PTPRN2: variants seen among roughly 807,000 people sequenced by gnomAD.
The protein encoded by PTPRN2 is protein tyrosine phosphatase receptor type N2.
A neutral mutation model predicts 118.8 loss-of-function variants in PTPRN2; 74 were observed. That is an observed-to-expected ratio of 0.62 (90% CI 0.52 to 0.76). PTPRN2 has a LOEUF of 0.76. Among genes scored for constraint, PTPRN2 ranks in the 30% least tolerant of loss-of-function variants. PTPRN2 has a pLI of 0.00. For synonymous variants in PTPRN2, 641 were observed against 608.0 expected, an observed-to-expected ratio of 1.05 and a Z score of -0.80; for missense variants, 1,481 against 1,394.4, an observed-to-expected ratio of 1.06 and a Z score of -0.99.
At chr7:157,643,401 A>AGG (rs1489967861) in intron 14 of PTPRN2, among the ~76,000 whole-genome samples, 8 of 152,358 alleles carry the variant, frequency 5.3e-5, no homozygotes, top group South Asian at 4.1e-4. Context: ...ACAAAAAAAT[A>AGG]GAGTTCCACA....
At chr7:158,012,534 AT>A (rs1806125265) in intron 11 of PTPRN2, among the ~76,000 whole-genome samples, 1 of 152,254 alleles carries the variant, frequency 6.6e-6, no homozygotes, top group Non-Finnish European at 1.5e-5. Flanking sequence ...GTACGGAGGC[AT>A]GGGCAGTGGC....
At chr7:158,150,021 G>T (rs1820799183) in intron 6 of PTPRN2, among the ~76,000 whole-genome samples, 1 of 152,164 alleles carries the variant, frequency 6.6e-6, no homozygotes, top group South Asian at 2.1e-4. Flanking sequence ...TCAGATTTAG[G>T]TGGCGTAGTG....
At position 158,255,861 on chromosome 7, in the gene PTPRN2, CCTGA is replaced by C. The variant is rs573038395; in HGVS notation, c.278-50592_278-50589del. Among the ~76,000 whole-genome samples the C allele has an allele frequency of 2.6e-4, 40 of 152,272 alleles. No homozygotes were observed. The East Asian group carries it at 6.4e-3, about 24-fold the overall frequency. On this transcript the variant is annotated intron_variant, in intron 3 of 22. Coordinates refer to ENST00000389418, the MANE Select transcript of PTPRN2 (RefSeq NM_002847.5). ...AGCCTCAGGGCACCCGTCCTCACTGCCTGACTACCTTTCTCTGCCTGTTCCAGCT... is the reference window on the plus strand; with the variant it reads ...AGCCTCAGGGCACCCGTCCTCACTGCCTACCTTTCTCTGCCTGTTCCAGCT...
intron 9 of PTPRN2, among the ~76,000 whole-genome samples, chr7:158,126,881 C>T (rs528886304): frequency 1.3e-5 from 2 of 152,330 alleles, no homozygotes; most frequent in South Asian, 2.1e-4. Context: ...AAGTTCCTCT[C>T]CCTGGCCGGC....
chr7:158,001,361 C>G (rs1805247469), intron 11 of PTPRN2, among the ~76,000 whole-genome samples: 1 of 151,926 alleles, frequency 6.6e-6, no homozygotes, highest in African/African-American at 2.4e-5. Flanking sequence ...TCACAGCAAC[C>G]CAGAGGTAGA....
At chr7:158,114,156 G>C (rs1014838419) in intron 9 of PTPRN2, among the ~76,000 whole-genome samples, 9 of 152,232 alleles carry the variant, frequency 5.9e-5, no homozygotes, top group Admixed American at 2.6e-4. Flanking sequence ...GAAAGGTGAG[G>C]CTGCATCCAC....
chr7:157,747,704 C>A (rs1329026443), intron 12 of PTPRN2, among the ~76,000 whole-genome samples: 4 of 134,440 alleles, frequency 3.0e-5, no homozygotes, highest in Non-Finnish European at 6.3e-5. Context: ...GCCTGCGTCT[C>A]TCAGCTGTGG....
At chr7:158,344,167 G>A (rs538335920) in intron 2 of PTPRN2, among the ~76,000 whole-genome samples, 13 of 152,224 alleles carry the variant, frequency 8.5e-5, no homozygotes, top group African/African-American at 2.4e-4. Flanking sequence ...GCAGCAAAGC[G>A]CAGGGCCTCA....
intron 11 of PTPRN2, among the ~76,000 whole-genome samples, chr7:157,922,732 C>A (rs935778574): frequency 2.6e-5 from 4 of 152,166 alleles, no homozygotes; most frequent in Admixed American, 2.6e-4. Flanking sequence ...CATTAGCAAG[C>A]TCGATGTCAC....
intron 2 of PTPRN2, among the ~76,000 whole-genome samples, chr7:158,321,432 C>G (rs1025151082): frequency 1.3e-5 from 2 of 152,182 alleles, no homozygotes; most frequent in African/African-American, 4.8e-5. Flanking sequence ...TGTGCCATGG[C>G]CCTGCAGCCT....
chr7:158,010,327 A>G (rs1227598471), intron 11 of PTPRN2, among the ~76,000 whole-genome samples: 1 of 152,210 alleles, frequency 6.6e-6, no homozygotes, highest in Non-Finnish European at 1.5e-5. Flanking sequence ...CTACAGAGAC[A>G]TCTAGAGAGT....
intron 12 of PTPRN2, among the ~76,000 whole-genome samples, chr7:157,878,008 T>C (rs1795883315): frequency 6.6e-6 from 1 of 152,236 alleles, no homozygotes; most frequent in Non-Finnish European, 1.5e-5. Context: ...GAAGCGTTCT[T>C]GATGCGGAGC....
rs187047764 is a variant in PTPRN2 at position 158,542,618 on chromosome 7, G to C, written c.112+44940C>G. Among the ~76,000 whole-genome samples, 16 of 152,172 alleles carry C rather than the reference G, an allele frequency of 1.1e-4. No homozygotes were observed. The East Asian group carries it at 1.2e-3, about 11-fold the overall frequency. ...CAGCAGCGTCCATCCCTCTCCCAGC[G>C]GAGCAACGCTCAACCCAAGCAAGTG... On this transcript the variant is annotated intron_variant, in intron 1 of 22. Coordinates refer to ENST00000389418, the MANE Select transcript of PTPRN2 (RefSeq NM_002847.5).
chr7:157,589,231 G>A (rs1195969764), intron 17 of PTPRN2, among the ~76,000 whole-genome samples: 19 of 152,186 alleles, frequency 1.2e-4, no homozygotes, highest in East Asian at 3.8e-4. Context: ...TGGCTTCATC[G>A]CAGGGTCAAT....
chr7:157,999,122 C>T (rs1397251901), intron 11 of PTPRN2, among the ~76,000 whole-genome samples: 3 of 152,004 alleles, frequency 2.0e-5, no homozygotes, highest in Non-Finnish European at 4.4e-5. Context: ...TAAACGTGAG[C>T]CTCATGCCAG....
At chr7:158,155,472 C>CCATCAACACTAT (rs1821627015) in intron 6 of PTPRN2, among the ~76,000 whole-genome samples, 1 of 148,320 alleles carries the variant, frequency 6.7e-6, no homozygotes. Flanking sequence ...ATCATCATCA[C>CCATCAACACTAT]CATCACCATC....
chr7:158,350,660 G>A (rs1156621307), intron 2 of PTPRN2, among the ~76,000 whole-genome samples: 1 of 152,124 alleles, frequency 6.6e-6, no homozygotes, highest in Non-Finnish European at 1.5e-5. Flanking sequence ...TGCTGCCTAA[G>A]GTGCCCTAGG....
chr7:158,530,350 G>A (rs778750191), intron 1 of PTPRN2, among the ~76,000 whole-genome samples: 1 of 152,208 alleles, frequency 6.6e-6, no homozygotes, highest in Non-Finnish European at 1.5e-5. Flanking sequence ...AACAGAACAA[G>A]CATAATTGGA....
intron 2 of PTPRN2, among the ~76,000 whole-genome samples, chr7:158,458,833 C>T (rs762321219): frequency 1.3e-5 from 2 of 152,212 alleles, no homozygotes; most frequent in Non-Finnish European, 2.9e-5. Flanking sequence ...CAGAGTGAGA[C>T]CTCAGCACAC....
Sources: allele counts gnomAD v4.1 joint callset (sites outside exome capture counted in the v4.1 genomes callset), GRCh38; gene constraint gnomAD v4.1.1; transcripts MANE v1.5; gene names NCBI Gene and HGNC (gene_info 2026-07-23, HGNC 2026-07-21).